DAB1: variants seen among roughly 807,000 people sequenced by gnomAD.
The protein encoded by DAB1 is disabled homolog 1.
DAB1 carries 15 observed loss-of-function variants against 64.6 expected under a neutral mutation model. The observed-to-expected ratio is 0.23, with a 90% CI of 0.16 to 0.36. The LOEUF is 0.36. Among genes scored for constraint, DAB1 ranks in the 10% least tolerant of loss-of-function variants. The probability of loss-of-function intolerance (pLI) is 1.00; values close to 1 mark genes in which losing one functional copy is unlikely to be tolerated. For synonymous variants in DAB1, 235 were observed against 251.9 expected (o/e 0.93, Z 0.64); for missense variants, 596 against 706.7 (o/e 0.84, Z 1.78).
At chr1:57,439,427 T>TTTTGTTTTTTTTTG (rs1558381438) in intron 7 of DAB1, among the ~76,000 whole-genome samples, 4 of 114,588 alleles carry the variant, frequency 3.5e-5, no homozygotes, top group East Asian at 2.5e-4. Context: ...GGTTTTTTCT[T>TTTTGTTTTTTTTTG]TTTTTTTTTT....
chr1:57,885,366 C>T (rs1009582783), upstream of DAB1, among the ~76,000 whole-genome samples: 3 of 152,114 alleles, frequency 2.0e-5, no homozygotes, highest in Admixed American at 1.3e-4. Context: ...ATTCTAGCCC[C>T]GGCACCCTGC....
rs147345277 is a variant in DAB1 at position 58,081,497 on chromosome 1, C to G, written n.387+69014G>C. 2.7e-3 allele frequency among the ~76,000 whole-genome samples: 408 copies of G among 152,336 alleles called. 1 individual carries two copies. Among genetic ancestry groups the G allele is most frequent in the African/African-American group, 9.2e-3 (384 of 41,576 alleles). ...CACCCTTGTGGAGGAAACAGAGAAACTGAGATGGCCTCATGCCTGCACTTA... is the reference window on the plus strand; with the variant it reads ...CACCCTTGTGGAGGAAACAGAGAAAGTGAGATGGCCTCATGCCTGCACTTA... On this transcript the variant is annotated intron_variant and non_coding_transcript_variant, in intron 5 of 20. Transcript: ENST00000485760.
intron 6 of DAB1, among the ~76,000 whole-genome samples, chr1:57,744,211 G>A (rs3118045): frequency 0.28 from 42,076 of 152,060 alleles, 6,849 homozygotes; most frequent in East Asian, 0.48. Flanking sequence ...TCGGAAGGCT[G>A]TTGGCATCCA....
At chr1:57,797,364 C>A (rs1466407269) in intron 6 of DAB1, among the ~76,000 whole-genome samples, 1 of 152,208 alleles carries the variant, frequency 6.6e-6, no homozygotes, top group Non-Finnish European at 1.5e-5. Flanking sequence ...GGCAATACTC[C>A]AGTTTACAAG....
chr1:58,204,748 G>A (rs1488719755), intron 4 of DAB1, among the ~76,000 whole-genome samples: 3 of 152,176 alleles, frequency 2.0e-5, no homozygotes, highest in Non-Finnish European at 4.4e-5. Context: ...TGTATGTGCA[G>A]GCCAATGCAT....
intron 4 of DAB1, among the ~76,000 whole-genome samples, chr1:57,087,552 G>A (rs1490577612): frequency 6.6e-6 from 1 of 152,182 alleles, no homozygotes; most frequent in African/African-American, 2.4e-5. Flanking sequence ...GTCATCTGTA[G>A]GGCCCTTCCA....
At chr1:58,318,895 T>A (rs189124151) in intron 4 of DAB1, among the ~76,000 whole-genome samples, 1 of 152,304 alleles carries the variant, frequency 6.6e-6, no homozygotes, top group Non-Finnish European at 1.5e-5. Flanking sequence ...TAACAGACAT[T>A]TGGCATCTTT....
intron 5 of DAB1, among the ~76,000 whole-genome samples, chr1:58,008,186 T>A (rs1557607181): frequency 6.6e-6 from 1 of 152,160 alleles, no homozygotes; most frequent in Non-Finnish European, 1.5e-5. Context: ...TCAGAGAGTT[T>A]GAGTAACTTG....
At chr1:58,182,265 TTG>T (rs1022958865) in intron 4 of DAB1, among the ~76,000 whole-genome samples, 2 of 151,568 alleles carry the variant, frequency 1.3e-5, no homozygotes, top group African/African-American at 4.8e-5. Context: ...TAAATGTGAT[TTG>T]TGTGTGTGTG....
chr1:57,686,748 C>T (rs943419609), intron 6 of DAB1, among the ~76,000 whole-genome samples: 2 of 152,166 alleles, frequency 1.3e-5, no homozygotes, highest in African/African-American at 4.8e-5. Flanking sequence ...GCTAGTCCAA[C>T]ATATGCAAAT....
intron 5 of DAB1, chr1:58,074,564 G>GTGTA (rs1332531604): frequency 8.3e-4 from 76 of 91,636 alleles, no homozygotes; most frequent in African/African-American, 3.2e-3. Context: ...ATATATGTGT[G>GTGTA]TATATATATA....
chr1:57,474,871 C>T (rs1458532811), intron 7 of DAB1, among the ~76,000 whole-genome samples: 3 of 152,048 alleles, frequency 2.0e-5, no homozygotes, highest in Non-Finnish European at 4.4e-5. Flanking sequence ...AAGTAGGAAC[C>T]TGGAAATGTT....
intron 7 of DAB1, among the ~76,000 whole-genome samples, chr1:57,433,831 G>A (rs1463123394): frequency 2.0e-5 from 3 of 149,878 alleles, no homozygotes; most frequent in African/African-American, 4.9e-5. Flanking sequence ...TAGAATGAAC[G>A]GAAGACTTTG....
In DAB1 at chr1:57,130,871, G is replaced by A. The variant is rs531078102; in HGVS notation, c.306+5672C>T. 2.0e-5 allele frequency among the ~76,000 whole-genome samples: 3 copies of A among 152,252 alleles called. No individual in the cohort carries two copies. In the South Asian group the frequency reaches 6.2e-4, roughly 32 times the overall value. ...ATTATGTATATGGGTAAAATACTTTGTTTATGTGCTAAATAGGGTTAGCTT... is the reference window on the plus strand; with the variant it reads ...ATTATGTATATGGGTAAAATACTTTATTTATGTGCTAAATAGGGTTAGCTT... On this transcript the variant is annotated intron_variant, in intron 4 of 14. Transcript: ENST00000371236.
chr1:58,364,371 G>T (rs1644196216), intron 3 of DAB1, among the ~76,000 whole-genome samples: 1 of 152,228 alleles, frequency 6.6e-6, no homozygotes, highest in South Asian at 2.1e-4. Flanking sequence ...GGAGCAGAAA[G>T]TCCTTCTCCC....
chr1:57,084,616 T>A (rs1378684333), intron 4 of DAB1, among the ~76,000 whole-genome samples: 1 of 152,202 alleles, frequency 6.6e-6, no homozygotes, highest in African/African-American at 2.4e-5. Flanking sequence ...ATTCTACGTA[T>A]TTCGTCTTTC....
chr1:57,682,841 G>T (rs1646652167), intron 6 of DAB1, among the ~76,000 whole-genome samples: 1 of 152,196 alleles, frequency 6.6e-6, no homozygotes, highest in East Asian at 1.9e-4. Context: ...TGCCAGACAG[G>T]AGAGAACAGG....
At chr1:58,474,262 G>C (rs17117574) in intron 3 of DAB1, among the ~76,000 whole-genome samples, 19,909 of 152,142 alleles carry the variant, frequency 0.13, 1,708 homozygotes, top group African/African-American at 0.24. Context: ...GAGAGGCTTA[G>C]TTACTTGCTG....
At chr1:57,844,554 G>A (rs961217015) in intron 1 of DAB1, among the ~76,000 whole-genome samples, 1 of 152,120 alleles carries the variant, frequency 6.6e-6, no homozygotes, top group Non-Finnish European at 1.5e-5. Flanking sequence ...TTCACAATGG[G>A]TTTTCCCTCA....
Sources: allele counts gnomAD v4.1 joint callset (sites outside exome capture counted in the v4.1 genomes callset), GRCh38; gene constraint gnomAD v4.1.1; transcripts MANE v1.5; gene names NCBI Gene and HGNC (gene_info 2026-07-23, HGNC 2026-07-21).